SYNE2: variants seen among roughly 807,000 people sequenced by gnomAD.
SYNE2 encodes the protein spectrin repeat containing nuclear envelope protein 2, also known as nesprin-2.
SYNE2 carries 431 observed loss-of-function variants against 856.3 expected under a neutral mutation model. The ratio of observed to expected loss-of-function variants is 0.50; its 90% CI spans 0.47 to 0.55. The LOEUF (loss-of-function observed/expected upper bound fraction) is 0.55, where lower values mean the gene tolerates loss of function less well. Among genes scored for constraint, SYNE2 ranks in the 20% least tolerant of loss-of-function variants. The probability of loss-of-function intolerance (pLI) is 0.00; values close to 1 mark genes in which losing one functional copy is unlikely to be tolerated. For missense variants in SYNE2, 8,129 were observed against 8,023.2 expected (o/e 1.01, Z -0.50); for synonymous variants, 2,923 against 2,872.3 (o/e 1.02, Z -0.56).
At chr14:63,988,146 C>G (rs1035957706) in intron 19 of SYNE2, among the ~76,000 whole-genome samples, 3 of 152,154 alleles carry the variant, frequency 2.0e-5, no homozygotes, top group Non-Finnish European at 2.9e-5. Flanking sequence ...TACAGTGGCA[C>G]AACCATGGCT....
chr14:64,132,189 A>G (rs1177960648), intron 76 of SYNE2, 76 bp from the exon 77 acceptor site: 2 of 1,537,908 alleles, frequency 1.3e-6, no homozygotes, highest in South Asian at 1.1e-5. Context: ...ATAACTGGAT[A>G]TAAAGTTGAA....
intron 53 of SYNE2, 134 bp downstream of exon 53, chr14:64,074,270 A>G: frequency 1.1e-6 from 1 of 876,340 alleles, no homozygotes; most frequent in Non-Finnish European, 1.9e-6. Flanking sequence ...GCATAGGCAA[A>G]GGCCCTGTGG....
At chr14:64,162,527 G>C (rs770700079) in intron 88 of SYNE2, 18 of 527,888 alleles carry the variant, frequency 3.4e-5, no homozygotes, top group Middle Eastern at 1.0e-3. Context: ...TTTCTCTCTA[G>C]TGTTACATCT....
intron 51 of SYNE2, among the ~76,000 whole-genome samples, chr14:64,066,639 A>T (rs1036433896): frequency 1.3e-5 from 2 of 152,212 alleles, no homozygotes; most frequent in Non-Finnish European, 2.9e-5. Flanking sequence ...TGACTAGTGA[A>T]TAGTCTCTTG....
chr14:64,160,830 A>G (rs1188118312), intron 87 of SYNE2, among the ~76,000 whole-genome samples: 1 of 152,216 alleles, frequency 6.6e-6, no homozygotes, highest in Non-Finnish European at 1.5e-5. Context: ...ATCTTGAAAT[A>G]CAGAAAAAAA....
Position 64,159,376 on chromosome 14 carries a change from A to C in SYNE2, c.16028A>C (p.Lys5343Thr). 1 of 1,614,052 alleles carries C rather than the reference A, an allele frequency of 6.2e-7. No individual in the cohort carries two copies. Among genetic ancestry groups the C allele is most frequent in the Non-Finnish European group, 8.5e-7 (1 of 1,179,920 alleles). ...SWEKLQEVIG[K>T]LKGLCPSVAE... ...GAGAAACTCCAGGAGGTTATCGGCA[A>C]ACTCAAAGGTCTCTGCCCCTCTGTT... is the stretch of plus-strand genomic sequence containing the variant. The change falls in exon 87 of 116, where the codon AAA becomes ACA. Residue 5343 changes from lysine to threonine, a missense_variant. Around this residue, in one of 3 missense-constraint regions of SYNE2, gnomAD observed 5,410 missense variants for 5,284.8 expected, o/e 1.02. Coordinates refer to ENST00000555002, the MANE Select transcript of SYNE2 (RefSeq NM_182914.3).
intron 63 of SYNE2, chr14:64,099,163 C>T (rs1277661802): frequency 3.2e-5 from 10 of 310,604 alleles, no homozygotes; most frequent in Admixed American, 4.5e-5. Context: ...TGTATTTTTC[C>T]GCATTTCAAT....
intron 76 of SYNE2, among the ~76,000 whole-genome samples, chr14:64,131,024 CTAAAGA>C (rs984415652): frequency 6.6e-6 from 1 of 152,062 alleles, no homozygotes; most frequent in African/African-American, 2.4e-5. Flanking sequence ...TGATCACCAA[CTAAAGA>C]TAAAGAGTAA....
chr14:64,016,350 G>A (rs1264267824), intron 32 of SYNE2, 123 bp from the exon 33 acceptor site: 2 of 654,596 alleles, frequency 3.1e-6, no homozygotes, highest in Non-Finnish European at 5.1e-6. Context: ...AAAGAACAAT[G>A]TAAGAAGGTA....
intron 25 of SYNE2, among the ~76,000 whole-genome samples, chr14:63,998,014 T>C (rs2096726210): frequency 6.6e-6 from 1 of 152,196 alleles, no homozygotes; most frequent in African/African-American, 2.4e-5. Context: ...TCCTTTACCA[T>C]GCTGCCATAC....
intron 71 of SYNE2, among the ~76,000 whole-genome samples, chr14:64,126,097 C>T (rs2097942225): frequency 6.6e-6 from 1 of 152,168 alleles, no homozygotes; most frequent in Non-Finnish European, 1.5e-5. Flanking sequence ...TAGTTCCATG[C>T]AGTACTCAAA....
At chr14:64,054,473 A>AT (rs2153578738) in intron 48 of SYNE2, among the ~76,000 whole-genome samples, 1 of 152,292 alleles carries the variant, frequency 6.6e-6, no homozygotes, top group African/African-American at 2.4e-5. Flanking sequence ...AAACATGAAG[A>AT]TTTTTCTCAG....
intron 113 of SYNE2, 80 bp from the exon 114 acceptor site, chr14:64,224,381 G>A (rs1152585): frequency 3.4e-6 from 4 of 1,170,360 alleles, no homozygotes; most frequent in African/African-American, 1.5e-5. Context: ...ATTGATTTAA[G>A]GTAGGGGAGG....
chr14:64,026,730 G>A lies in SYNE2; in HGVS notation c.6404G>A (p.Ser2135Asn). The change falls in exon 42 of 116, where the codon AGC (serine) becomes AAC (asparagine). Residue 2135 changes from serine to asparagine, a missense_variant and splice_region_variant. Physicochemically the swap from Ser to Asn is conservative, Grantham distance 46. This residue lies in a region of SYNE2 where 297 missense variants were observed against 380.9 expected (regional missense o/e 0.78). Coordinates refer to ENST00000555002, the MANE Select transcript of SYNE2 (RefSeq NM_182914.3). Reference sequence around the variant, plus strand: ...CTCCATTTAGCTAGCACCTACCTAAGGTAAAGGGCATGCCTGCACCACTTG... The same window carrying A: ...CTCCATTTAGCTAGCACCTACCTAAAGTAAAGGGCATGCCTGCACCACTTG... ...NTLHLASTYL[S>N]HQEKLLLEGE... 6.2e-7 allele frequency: 1 copy of A among 1,605,320 alleles called. No homozygotes were observed. Among genetic ancestry groups the A allele is most frequent in the Non-Finnish European group, 8.5e-7 (1 of 1,175,488 alleles).
In SYNE2 at chr14:64,093,360, A is replaced by G; in HGVS notation, c.11988A>G (p.Lys3996=). 1 of 1,614,006 alleles carries G rather than the reference A, an allele frequency of 6.2e-7. No individual in the cohort carries two copies. Among genetic ancestry groups the G allele is most frequent in the Non-Finnish European group, 8.5e-7 (1 of 1,179,872 alleles). The change falls in exon 61 of 116, where the codon AAA becomes AAG. Residue 3996 remains lysine (K), a synonymous_variant. Coordinates refer to ENST00000555002, the MANE Select transcript of SYNE2 (RefSeq NM_182914.3). ...EQNELLKVVI[K]QTNEWDEEIE... is the part of the protein sequence containing the mutation. The stretch of plus-strand genomic sequence containing the variant: ...GGGTTATTTTATAGGTAGTCATAAA[A>G]CAGACCAATGAATGGGATGAAGAAA...
intron 37 of SYNE2, among the ~76,000 whole-genome samples, chr14:64,022,458 C>T (rs1332624129): frequency 2.0e-5 from 3 of 152,110 alleles, no homozygotes; most frequent in Non-Finnish European, 2.9e-5. Flanking sequence ...GGAGGCCGGG[C>T]GCGGTAGCTC....
chr14:64,098,802 A>G lies in SYNE2; in HGVS notation c.12362A>G (p.Glu4121Gly). 1 of 1,614,158 alleles carries G rather than the reference A, an allele frequency of 6.2e-7. No individual in the cohort carries two copies. The highest frequency in any genetic ancestry group is 8.5e-7 in the Non-Finnish European group (1 of 1,180,022). ...GCAGCAGTCGAGGAAGAGGTGGAAG[A>G]AAGTTCCGTGAAGAGCGATGTAAGG... The part of the protein sequence containing the change: ...YLAAVEEEVE[E>G]SSVKSDNGDE... The change falls in exon 63 of 116, where the codon GAA becomes GGA. Residue 4121 changes from glutamate to glycine, a missense_variant. Transcript: ENST00000555002.
intron 99 of SYNE2, among the ~76,000 whole-genome samples, chr14:64,200,955 A>G (rs940070814): frequency 6.6e-6 from 1 of 152,232 alleles, no homozygotes; most frequent in Admixed American, 6.5e-5. Context: ...CACTGATGAA[A>G]GAACTTTGTG....
intron 84 of SYNE2, among the ~76,000 whole-genome samples, chr14:64,148,522 C>G (rs558342238): frequency 6.6e-6 from 1 of 152,054 alleles, no homozygotes; most frequent in Non-Finnish European, 1.5e-5. Context: ...TTCTACTTCC[C>G]TCCCCTCGCC....
Sources: allele counts gnomAD v4.1 joint callset (sites outside exome capture counted in the v4.1 genomes callset), GRCh38; gene constraint gnomAD v4.1.1; regional missense constraint gnomAD v4.1.1; transcripts MANE v1.5; gene names NCBI Gene and HGNC (gene_info 2026-07-23, HGNC 2026-07-21).